The following SNAP47 variants were observed in gnomAD, a reference collection of about 807,000 sequenced individuals.
SNAP47 encodes the protein synaptosomal-associated protein 47.
SNAP47 carries 20 observed loss-of-function variants against 31.4 expected under a neutral mutation model. The observed-to-expected ratio is 0.64, with a 90% CI of 0.45 to 0.93. SNAP47 has a LOEUF of 0.93. Among genes scored for constraint, SNAP47 ranks in the 40% least tolerant of loss-of-function variants. SNAP47 has a pLI of 0.00. For synonymous variants in SNAP47, 194 were observed against 213.4 expected (o/e 0.91, Z 0.79); for missense variants, 492 against 528.5 (o/e 0.93, Z 0.68).
At chr1:227,765,997 G>T (rs1385879701) in intron 3 of SNAP47, among the ~76,000 whole-genome samples, 1 of 152,182 alleles carries the variant, frequency 6.6e-6, no homozygotes, top group African/African-American at 2.4e-5. Context: ...GCTAGAGGGG[G>T]TATGCCCTTG....
At chr1:227,728,324 C>T (rs879784041), upstream of SNAP47, among the ~76,000 whole-genome samples, 2 of 152,042 alleles carry the variant, frequency 1.3e-5, no homozygotes, top group Non-Finnish European at 2.9e-5. Context: ...GCTGGGGCTG[C>T]AGGGCCGGTG....
chr1:227,739,149 TC>T (rs752051465), intron 1 of SNAP47, among the ~76,000 whole-genome samples: 5 of 152,126 alleles, frequency 3.3e-5, no homozygotes, highest in Admixed American at 1.3e-4. Flanking sequence ...CACACAATAC[TC>T]CATTAGGATG....
intron 2 of SNAP47, among the ~76,000 whole-genome samples, chr1:227,754,212 C>A (rs1662553105): frequency 6.6e-6 from 1 of 152,260 alleles, no homozygotes; most frequent in Non-Finnish European, 1.5e-5. Context: ...CATCATTCTG[C>A]CAGTTGGTGG....
intron 4 of SNAP47, chr1:227,776,155 C>T (rs562058150): frequency 3.9e-5 from 45 of 1,159,378 alleles, no homozygotes; most frequent in East Asian, 6.0e-5. Context: ...TCCCACAAGC[C>T]GCTCAGGACC....
intron 2 of SNAP47, among the ~76,000 whole-genome samples, chr1:227,755,066 C>T (rs189511517): frequency 1.4e-4 from 21 of 152,324 alleles, no homozygotes; most frequent in African/African-American, 5.1e-4. Flanking sequence ...TTATGCCCTC[C>T]TCCTCCTGAA....
rs142013376 is a variant in SNAP47 at position 227,779,502 on chromosome 1, G to T, written c.1114-1025G>T. Among the ~76,000 whole-genome samples the T allele has an allele frequency of 7.9e-3, 1,206 of 152,300 alleles. 7 individuals are homozygous for T. Among genetic ancestry groups the T allele is most frequent in the Admixed American group, 0.013 (192 of 15,302 alleles). ...ATCACCACGCCCTAGACCTTGGATG[G>T]TCACTGCTGTCCAACTGGTGGGTAC... On this transcript the variant is annotated intron_variant, in intron 4 of 4. Transcript: ENST00000617596.
upstream of SNAP47, chr1:227,735,304 C>T (rs765121063): frequency 1.2e-5 from 20 of 1,604,218 alleles, no homozygotes; most frequent in Admixed American, 1.7e-5. Context: ...GGACCCTCCT[C>T]CTCACTTCCG....
chr1:227,769,269 C>A (rs762042608), intron 4 of SNAP47, among the ~76,000 whole-genome samples: 2 of 152,026 alleles, frequency 1.3e-5, no homozygotes, highest in African/African-American at 4.8e-5. Flanking sequence ...AGTGGCAGAG[C>A]GGGAGGAAGC....
At chr1:227,754,185 GC>G (rs1662551073) in intron 2 of SNAP47, among the ~76,000 whole-genome samples, 1 of 152,238 alleles carries the variant, frequency 6.6e-6, no homozygotes, top group South Asian at 2.1e-4. Context: ...TCCTCCAACT[GC>G]CCCAGCCAAA....
intron 1 of SNAP47, among the ~76,000 whole-genome samples, chr1:227,738,395 C>T (rs1296123054): frequency 6.7e-6 from 1 of 149,716 alleles, no homozygotes; most frequent in African/African-American, 2.5e-5. Context: ...CATTCCTTCA[C>T]ACATACATTC....
At chr1:227,733,587 C>G, upstream of SNAP47, 1 of 1,608,022 alleles carries the variant, frequency 6.2e-7, no homozygotes, top group South Asian at 1.1e-5. Flanking sequence ...CGCAGGGCCT[C>G]TTCCTGCCCT....
At position 227,759,334 on chromosome 1, in the gene SNAP47, C is replaced by G; in HGVS notation, c.837C>G (p.Ala279=). The part of the protein sequence containing the change: ...RQRFIGKPDM[A]YRLISAKMPE... ...GGTTTATTGGAAAGCCAGACATGGC[C>G]TATCGTTTGATATCTGCCAAGATGC... The change falls in exon 3 of 5, where the codon GCC becomes GCG. Residue 279 remains alanine, a synonymous_variant. Coordinates refer to ENST00000617596, the MANE Select transcript of SNAP47 (RefSeq NM_053052.4). 6.2e-7 allele frequency: 1 copy of G among 1,614,214 alleles called. No individual in the cohort carries two copies. The highest frequency in any genetic ancestry group is 8.5e-7 in the Non-Finnish European group (1 of 1,180,038).
chr1:227,730,264 G>A (rs575026994), upstream of SNAP47, among the ~76,000 whole-genome samples: 3 of 152,106 alleles, frequency 2.0e-5, no homozygotes, highest in Non-Finnish European at 2.9e-5. Context: ...TTCCCTTTGC[G>A]AAGGCCCTCA....
chr1:227,729,790 T>C (rs1660523203), intron 1 of SNAP47, among the ~76,000 whole-genome samples: 1 of 152,160 alleles, frequency 6.6e-6, no homozygotes, highest in Non-Finnish European at 1.5e-5. Context: ...CAATCACAAT[T>C]GCAAGCCCAG....
At position 227,766,971 on chromosome 1, in the gene SNAP47, T is replaced by C; in HGVS notation, c.1001T>C (p.Met334Thr). The C allele has an allele frequency of 6.2e-7, 1 of 1,613,794 alleles. No individual in the cohort carries two copies. The highest frequency in any genetic ancestry group is 8.5e-7 in the Non-Finnish European group (1 of 1,180,000). Residue 334 changes from methionine to threonine, a missense_variant, in exon 4 of 5, where the codon ATG becomes ACG. Coordinates refer to ENST00000617596, the MANE Select transcript of SNAP47 (RefSeq NM_053052.4). The stretch of plus-strand genomic sequence containing the variant: ...GCTCTCCTTGCAGCATCTGGGCTGA[T>C]GGGCCGTACCCTGCACCGTGAGCCA... ...CSVWHAASGLMGRTLHREPPA... is the reference protein window; with the variant it reads ...CSVWHAASGLTGRTLHREPPA...
intron 1 of SNAP47, among the ~76,000 whole-genome samples, chr1:227,745,490 A>G (rs1288848997): frequency 6.6e-6 from 1 of 152,232 alleles, no homozygotes; most frequent in African/African-American, 2.4e-5. Context: ...ACTTAGTGGC[A>G]TCAGAGAGCA....
At chr1:227,747,645 T>C in intron 1 of SNAP47, 47 bp from the exon 2 acceptor site, 2 of 1,530,860 alleles carry the variant, frequency 1.3e-6, no homozygotes, top group Non-Finnish European at 1.8e-6. Flanking sequence ...TGCTTGTGTC[T>C]CCAGTCCATG....
intron 1 of SNAP47, 124 bp downstream of exon 1, chr1:227,735,623 G>A (rs934375571): frequency 2.4e-5 from 32 of 1,324,132 alleles, no homozygotes; most frequent in East Asian, 3.1e-5. Context: ...CCCGGGGGGT[G>A]GGGGGTATGC....
chr1:227,733,234 C>G (rs1026059058), upstream of SNAP47: 11 of 849,376 alleles, frequency 1.3e-5, no homozygotes, highest in Admixed American at 2.9e-5. Flanking sequence ...CAAGTAGACC[C>G]AGGGACCGGC....
Sources: allele counts gnomAD v4.1 joint callset (sites outside exome capture counted in the v4.1 genomes callset), GRCh38; gene constraint gnomAD v4.1.1; transcripts MANE v1.5; gene names NCBI Gene and HGNC (gene_info 2026-07-23, HGNC 2026-07-21).